PDE10A: variants seen among roughly 807,000 people sequenced by gnomAD.
PDE10A encodes the protein phosphodiesterase 10A, also known as cAMP and cAMP-inhibited cGMP 3',5'-cyclic phosphodiesterase 10A.
Under a neutral mutation model 97.7 loss-of-function variants are expected in PDE10A, and 39 were observed. The ratio of observed to expected loss-of-function variants is 0.40; its 90% CI spans 0.31 to 0.52. The LOEUF (loss-of-function observed/expected upper bound fraction) is 0.52. Among genes scored for constraint, PDE10A ranks in the 20% least tolerant of loss-of-function variants. PDE10A has a pLI of 0.56. For synonymous variants in PDE10A, 371 were observed against 376.8 expected (o/e 0.98, Z 0.18); for missense variants, 731 against 1,047.8 (o/e 0.70, Z 4.17).
In PDE10A at chr6:165,390,509, G is replaced by A. The variant is rs148506924; in HGVS notation, c.2455-2056C>T. On this transcript the variant is annotated intron_variant, in intron 16 of 21. Transcript: ENST00000539869. Reference sequence around the variant, plus strand: ...AAGATGGAAGTAAAAAACTGCATGCGTACATGCAGATGGCAATGATCCAGA... The same window carrying A: ...AAGATGGAAGTAAAAAACTGCATGCATACATGCAGATGGCAATGATCCAGA... 2.6e-3 allele frequency among the ~76,000 whole-genome samples: 398 copies of A among 152,252 alleles called. 5 individuals carry two copies. The highest frequency in any genetic ancestry group is 1.2e-3 in the East Asian group (6 of 5,168).
At chr6:165,787,022 G>A (rs535330678) in intron 1 of PDE10A, among the ~76,000 whole-genome samples, 11 of 151,824 alleles carry the variant, frequency 7.2e-5, no homozygotes, top group African/African-American at 2.4e-4. Context: ...ATTCTTTAGC[G>A]GCAAATTATT....
intron 1 of PDE10A, chr6:165,775,473 C>G (rs926102527): frequency 6.6e-6 from 1 of 152,134 alleles, no homozygotes; most frequent in Non-Finnish European, 1.5e-5. Context: ...GTTTGCTGGT[C>G]GTGAACTTTT....
intron 18 of PDE10A, among the ~76,000 whole-genome samples, chr6:165,366,628 C>T (rs1783786274): frequency 6.6e-6 from 1 of 152,028 alleles, no homozygotes; most frequent in South Asian, 2.1e-4. Context: ...TAAATACAGC[C>T]CAAAAGAAAG....
chr6:165,772,523 A>G (rs7748044), intron 1 of PDE10A, among the ~76,000 whole-genome samples: 94,418 of 151,966 alleles, frequency 0.62, 29,856 homozygotes, highest in East Asian at 0.89. Flanking sequence ...CCGCGTTGCC[A>G]TGGGGTCATT....
At chr6:165,336,609 C>T (rs931863167) in intron 20 of PDE10A, among the ~76,000 whole-genome samples, 1 of 141,750 alleles carries the variant, frequency 7.1e-6, no homozygotes, top group Non-Finnish European at 1.5e-5. Flanking sequence ...ATTAGCTGGG[C>T]GCGGTGGCAG....
chr6:165,944,478 T>G (rs1162964545), intron 1 of PDE10A, among the ~76,000 whole-genome samples: 1 of 152,228 alleles, frequency 6.6e-6, no homozygotes, highest in African/African-American at 2.4e-5. Flanking sequence ...CAGGTCTTTC[T>G]CAAGGTGATC....
intron 18 of PDE10A, among the ~76,000 whole-genome samples, chr6:165,361,562 T>C (rs188645357): frequency 1.3e-5 from 2 of 152,266 alleles, no homozygotes; most frequent in Admixed American, 6.5e-5. Flanking sequence ...TGAGGAAATA[T>C]TGGAAAAGTG....
chr6:165,733,106 T>C (rs1406248667), intron 1 of PDE10A, among the ~76,000 whole-genome samples: 1 of 152,210 alleles, frequency 6.6e-6, no homozygotes, highest in African/African-American at 2.4e-5. Context: ...ACCCAATGCA[T>C]TTCCAGTCGG....
intron 1 of PDE10A, among the ~76,000 whole-genome samples, chr6:165,721,525 G>C (rs545154121): frequency 6.6e-6 from 1 of 152,166 alleles, no homozygotes; most frequent in African/African-American, 2.4e-5. Flanking sequence ...CTTACAGACC[G>C]TGAGGCCATA....
At chr6:165,675,582 A>G (rs1790771685) in intron 1 of PDE10A, among the ~76,000 whole-genome samples, 1 of 152,216 alleles carries the variant, frequency 6.6e-6, no homozygotes, top group African/African-American at 2.4e-5. Context: ...GAAAATCTGA[A>G]AATGGAAAAG....
chr6:165,572,968 A>T (rs1785119583), intron 1 of PDE10A, among the ~76,000 whole-genome samples: 2 of 152,212 alleles, frequency 1.3e-5, no homozygotes, highest in South Asian at 4.1e-4. Flanking sequence ...TAAAATTTCA[A>T]GTTTAGATGA....
intron 1 of PDE10A, among the ~76,000 whole-genome samples, chr6:165,551,779 T>C (rs1784029124): frequency 6.6e-6 from 1 of 152,172 alleles, no homozygotes; most frequent in African/African-American, 2.4e-5. Context: ...AATTATCAAT[T>C]GAAAAATCTG....
intron 1 of PDE10A, among the ~76,000 whole-genome samples, chr6:165,568,427 C>T (rs868212975): frequency 6.6e-6 from 1 of 152,090 alleles, no homozygotes; most frequent in African/African-American, 2.4e-5. Flanking sequence ...CAGAAGTAAA[C>T]AACTCATAAT....
intron 18 of PDE10A, among the ~76,000 whole-genome samples, chr6:165,378,305 A>C (rs1031639623): frequency 3.3e-5 from 5 of 152,230 alleles, no homozygotes; most frequent in African/African-American, 1.2e-4. Context: ...CTGAACAAAA[A>C]GTATAAATCC....
chr6:165,838,497 C>T, intron 1 of PDE10A, among the ~76,000 whole-genome samples: 1 of 152,190 alleles, frequency 6.6e-6, no homozygotes, highest in East Asian at 1.9e-4. Flanking sequence ...CAACCATAAC[C>T]ACTATCTACT....
At chr6:165,657,247 A>C (rs1790012534) in intron 1 of PDE10A, among the ~76,000 whole-genome samples, 1 of 152,230 alleles carries the variant, frequency 6.6e-6, no homozygotes. Flanking sequence ...TACAAAGAAC[A>C]CAAGAGTACT....
intron 1 of PDE10A, among the ~76,000 whole-genome samples, chr6:165,934,766 G>C (rs901825355): frequency 6.0e-4 from 91 of 151,836 alleles, no homozygotes; most frequent in African/African-American, 1.9e-3. Flanking sequence ...CTCCCAATGT[G>C]GTTTACACCA....
chr6:165,670,894 C>T (rs990264839), intron 1 of PDE10A, among the ~76,000 whole-genome samples: 3 of 152,172 alleles, frequency 2.0e-5, no homozygotes, highest in African/African-American at 4.8e-5. Flanking sequence ...TGGGTTACTA[C>T]GGTAGAGTCT....
At chr6:165,845,185 GA>G (rs1780379581) in intron 1 of PDE10A, among the ~76,000 whole-genome samples, 1 of 152,184 alleles carries the variant, frequency 6.6e-6, no homozygotes, top group African/African-American at 2.4e-5. Context: ...TGTGTGTGAT[GA>G]AAAACGGTTT....
Sources: allele counts gnomAD v4.1 joint callset (sites outside exome capture counted in the v4.1 genomes callset), GRCh38; gene constraint gnomAD v4.1.1; transcripts MANE v1.5; gene names NCBI Gene and HGNC (gene_info 2026-07-23, HGNC 2026-07-21).